The following ARL17B variants were observed in gnomAD, a reference collection of about 807,000 sequenced individuals.
ARL17B encodes ADP-ribosylation factor-like protein 17.
chr17:46,292,208 T>C lies in ARL17B; in HGVS notation c.*21+7318A>G, dbSNP rs1165725950. Among the ~76,000 whole-genome samples, 6 of 74,976 alleles carry C rather than the reference T, an allele frequency of 8.0e-5. 1 individual carries two copies. The highest frequency in any genetic ancestry group is 7.0e-4 in the Admixed American group (5 of 7,192). The allele number at this position is 74,976 out of a possible 152,430, so 49.2% of individuals were successfully genotyped here. A position where few individuals can be genotyped will look rare whatever the true frequency, so the allele number is the denominator to read the frequency against. On this transcript the variant is annotated intron_variant, in intron 4 of 4. Coordinates refer to the ARL17B transcript ENST00000570618. The stretch of plus-strand genomic sequence containing the variant: ...TTGGCTGGGTGTGGTGGTGGGCACC[T>C]GTAATCCCAGCTACTTGGGAAACTG...
At chr17:46,331,128 G>A (rs2051911280), downstream of ARL17B, 2 of 726,140 alleles carry the variant, frequency 2.8e-6, 1 homozygote, top group Admixed American at 5.8e-5. Context: ...ATTTTAGAAA[G>A]TGCAAAGGCT....
intron 4 of ARL17B, among the ~76,000 whole-genome samples, chr17:46,290,705 CCAA>C (rs1332829859): frequency 6.6e-6 from 1 of 152,214 alleles, no homozygotes; most frequent in Non-Finnish European, 1.5e-5. Context: ...CCTCAGCCTC[CCAA>C]AGTGCTGGGA....
chr17:46,288,706 CTT>C (rs199591277), intron 4 of ARL17B, among the ~76,000 whole-genome samples: 25 of 138,992 alleles, frequency 1.8e-4, no homozygotes, highest in Middle Eastern at 3.7e-3. Context: ...CTTGTTTTTT[CTT>C]TTTTTTTTTT....
At chr17:46,332,532 T>C (rs373014965), downstream of ARL17B, 2 of 1,431,568 alleles carry the variant, frequency 1.4e-6, no homozygotes, top group Non-Finnish European at 1.9e-6. Context: ...TGGTTTTTTT[T>C]TGTGTGTTTT....
intron 4 of ARL17B, among the ~76,000 whole-genome samples, chr17:46,281,230 C>T (rs548750693): frequency 1.3e-5 from 2 of 152,100 alleles, no homozygotes; most frequent in East Asian, 1.9e-4. Context: ...CTTGCTCCCC[C>T]CACCCCTCAT....
intron 4 of ARL17B, among the ~76,000 whole-genome samples, chr17:46,278,506 G>A (rs2143320033): frequency 6.6e-6 from 1 of 151,612 alleles, no homozygotes; most frequent in African/African-American, 2.4e-5. Context: ...CTGGGTTCAA[G>A]CGATTTTCCA....
At chr17:46,341,031 G>A (rs1469532455) in intron 3 of ARL17B, among the ~76,000 whole-genome samples, 9 of 66,776 alleles carry the variant, frequency 1.3e-4, no homozygotes, top group South Asian at 5.6e-4. Context: ...GGGAGTCCCC[G>A]CGCCCGGCAA....
chr17:46,281,356 G>A (rs534046248), intron 4 of ARL17B, among the ~76,000 whole-genome samples: 28 of 151,712 alleles, frequency 1.8e-4, no homozygotes, highest in African/African-American at 5.6e-4. Flanking sequence ...TTAAAGTCCC[G>A]TGACTCGCAT....
chr17:46,312,618 T>C (rs2050858725), intron 3 of ARL17B, among the ~76,000 whole-genome samples: 1 of 80,110 alleles, frequency 1.2e-5, no homozygotes, highest in Non-Finnish European at 2.6e-5. Context: ...TACATTCATT[T>C]TTAATAGCTG....
rs1204646684 is a variant in ARL17B, at chr17:46,293,871, ACT to A, written c.*21+5653_*21+5654del. The A allele has an allele frequency of 7.7e-6, 2 of 258,862 alleles. 1 individual carries two copies. 16.0% of individuals were successfully genotyped at this position (258,862 alleles called of 1,614,324 possible). On this transcript the variant is annotated intron_variant, in intron 4 of 4. Transcript: ENST00000570618. ...CATCCCTAAATGAGGTGAATCTTGGACTCTCTTCCATTTTATTTTATTTTATT... is the reference window on the plus strand; with the variant it reads ...CATCCCTAAATGAGGTGAATCTTGGACTCTTCCATTTTATTTTATTTTATT...
chr17:46,288,463 C>A lies in ARL17B; in HGVS notation c.*21+11063G>T, dbSNP rs144505040. The stretch of plus-strand genomic sequence containing the variant: ...AGCTGGGATTACAGGTGTGTGCCAC[C>A]ACATCTGGCTAATTTTTGCATTTTT... On this transcript the variant is annotated intron_variant, in intron 4 of 4. Coordinates refer to the ARL17B transcript ENST00000570618. Among the ~76,000 whole-genome samples the A allele has an allele frequency of 9.5e-3, 1,437 of 152,026 alleles. 30 individuals are homozygous for A. The highest frequency in any genetic ancestry group is 0.03 in the African/African-American group (1,235 of 41,422).
downstream of ARL17B, among the ~76,000 whole-genome samples, chr17:46,332,997 C>G (rs555426202): frequency 6.8e-6 from 1 of 148,102 alleles, no homozygotes; most frequent in Non-Finnish European, 1.5e-5. Context: ...TAATTTATTT[C>G]CTTGTTGCTG....
At chr17:46,350,412 T>C (rs1256676931) in intron 3 of ARL17B, among the ~76,000 whole-genome samples, 2 of 79,300 alleles carry the variant, frequency 2.5e-5, no homozygotes, top group Non-Finnish European at 7.0e-5. Context: ...AGAATACTTA[T>C]GAAGTATTCT....
rs1360524355 is a variant in ARL17B at position 46,291,985 on chromosome 17, A to AAAAAAAAAAAAAAAC, written c.*21+7540_*21+7541insGTTTTTTTTTTTTTT. Among the ~76,000 whole-genome samples the AAAAAAAAAAAAAAAC allele has an allele frequency of 8.0e-4, 61 of 76,626 alleles. 3 individuals are homozygous for AAAAAAAAAAAAAAAC. Among genetic ancestry groups the AAAAAAAAAAAAAAAC allele is most frequent in the South Asian group, 2.4e-3 (4 of 1,652 alleles). The allele number at this position is 76,626 out of a possible 152,430, so 50.3% of individuals were successfully genotyped here. ...CTCAAAAAGCAAAAAAAAAAAAAAA[A>AAAAAAAAAAAAAAAC]AAGCCAATAAAATCAATGGTCTAAT... On this transcript the variant is annotated intron_variant, in intron 4 of 4. Transcript: ENST00000570618.
chr17:46,334,557 G>C (rs1298998776), downstream of ARL17B: 1 of 24,790 alleles, frequency 4.0e-5, no homozygotes, highest in East Asian at 1.9e-3. Flanking sequence ...TCAGCTTCCT[G>C]AGTGGCTGGG....
At chr17:46,278,087 C>A (rs1159583713) in intron 4 of ARL17B, among the ~76,000 whole-genome samples, 1 of 152,148 alleles carries the variant, frequency 6.6e-6, no homozygotes, top group Non-Finnish European at 1.5e-5. Context: ...CTGGGACTTA[C>A]AGGCGTGCAC....
intron 3 of ARL17B, chr17:46,305,360 G>A: frequency 3.2e-6 from 1 of 316,470 alleles, no homozygotes; most frequent in Non-Finnish European, 7.0e-6. Context: ...GGTATGGGCA[G>A]GGTTAGGGGC....
chr17:46,280,371 C>G (rs1207107228), intron 4 of ARL17B, among the ~76,000 whole-genome samples: 1 of 151,912 alleles, frequency 6.6e-6, no homozygotes, highest in Non-Finnish European at 1.5e-5. Flanking sequence ...CTCAAAAACA[C>G]AAAACAACAG....
chr17:46,291,236 C>T (rs553311524), intron 4 of ARL17B, among the ~76,000 whole-genome samples: 5 of 152,290 alleles, frequency 3.3e-5, no homozygotes, highest in South Asian at 2.1e-4. Flanking sequence ...GATGGTATAG[C>T]GGGTGCACAC....
Sources: gnomAD v4.1 joint callset for allele counts (sites outside exome capture counted in the v4.1 genomes callset) on GRCh38, gnomAD v4.1.1 for gene constraint, MANE v1.5 for transcripts, NCBI Gene and HGNC (gene_info 2026-07-23, HGNC 2026-07-21) for gene names.